The following CTBP2 variants were observed in gnomAD, a reference collection of about 807,000 sequenced individuals.
CTBP2 encodes the protein C-terminal binding protein 2, also known as C-terminal-binding protein 2.
CTBP2 carries 30 observed loss-of-function variants against 80.3 expected under a neutral mutation model. The ratio of observed to expected loss-of-function variants is 0.37; its 90% confidence interval spans 0.28 to 0.51. The LOEUF (loss-of-function observed/expected upper bound fraction) is 0.51. CTBP2 is among the 20% of genes least tolerant of loss of function. The probability of loss-of-function intolerance (pLI) is 0.93; values close to 1 mark genes in which losing one functional copy is unlikely to be tolerated. For missense variants in CTBP2, 1,212 were observed against 1,375.3 expected, an observed-to-expected ratio of 0.88 and a Z score of 1.88; for synonymous variants, 594 against 587.4, an observed-to-expected ratio of 1.01 and a Z score of -0.16.
chr10:125,057,483 C>T (rs958564503), intron 2 of CTBP2, among the ~76,000 whole-genome samples: 1 of 152,310 alleles, frequency 6.6e-6, no homozygotes, highest in South Asian at 2.1e-4. Flanking sequence ...GCTCTTTGTC[C>T]ATTCACTGAT....
intron 1 of CTBP2, among the ~76,000 whole-genome samples, chr10:125,137,089 ATT>A (rs982928297): frequency 3.9e-5 from 6 of 152,142 alleles, no homozygotes; most frequent in Non-Finnish European, 7.4e-5. Flanking sequence ...AAAAATCTAA[ATT>A]TCCCATGTGG....
At position 125,044,708 on chromosome 10, in the gene CTBP2, G is replaced by A. The variant is rs977973489; in HGVS notation, c.-101-5553C>T. ...CTTGAGGCTGTGATGTGCCACGATC[G>A]CACCTGTGAATAAAGCCACTGCACT... On this transcript the variant is annotated intron_variant, in intron 2 of 10. Transcript: ENST00000337195. 4.6e-5 allele frequency among the ~76,000 whole-genome samples: 7 copies of A among 152,276 alleles called. No individual in the cohort carries two copies. In the East Asian group the frequency reaches 1.4e-3, roughly 29 times the overall value.
rs779724426 is a variant in CTBP2, at chr10:125,027,043, A to AG, written c.716dup (p.Ala240CysfsTer37). The AG allele has an allele frequency of 2.5e-6, 4 of 1,613,558 alleles. No individual in the cohort carries two copies. Among genetic ancestry groups the AG allele is most frequent in the Non-Finnish European group, 3.4e-6 (4 of 1,179,772 alleles). On this transcript the variant is annotated frameshift_variant, in exon 1 of 9. Coordinates refer to ENST00000309035, the MANE Select transcript of CTBP2 (RefSeq NM_022802.3). LOFTEE classifies it high-confidence loss of function. Reference sequence around the variant, plus strand: ...CCCCTGTGCTGCCTTCGGGGGCAGCAGCTGAACTGGGGTCCACAACCAGGC... The same window carrying AG: ...CCCCTGTGCTGCCTTCGGGGGCAGCAGGCTGAACTGGGGTCCACAACCAGGC...
intron 1 of CTBP2, among the ~76,000 whole-genome samples, chr10:125,003,976 G>A (rs1158986064): frequency 6.6e-6 from 1 of 152,236 alleles, no homozygotes; most frequent in Non-Finnish European, 1.5e-5. Flanking sequence ...GAAATGGCGG[G>A]TCTGGGGCAG....
chr10:125,092,082 A>G (rs146994019), intron 2 of CTBP2, among the ~76,000 whole-genome samples: 1 of 151,982 alleles, frequency 6.6e-6, no homozygotes, highest in East Asian at 1.9e-4. Flanking sequence ...AAGTAACACC[A>G]TAACTAAAAT....
chr10:125,033,299 G>A (rs575258920), intron 3 of CTBP2, among the ~76,000 whole-genome samples: 4 of 152,330 alleles, frequency 2.6e-5, no homozygotes, highest in South Asian at 2.1e-4. Flanking sequence ...GGCTCCTGCT[G>A]GATGTGGAAG....
rs1305530478 is a variant in CTBP2, at chr10:125,066,669, T to G, written c.-101-27514A>C. ...CAGTGCACCAACCTTCAGTGTAATC[T>G]CCAGTCCTGCCACTGACTCGTGAGC... is the stretch of plus-strand genomic sequence containing the variant. On this transcript the variant is annotated intron_variant, in intron 2 of 10. Transcript: ENST00000337195. This position sits in a 1 kb window ranked among gnomAD's most constrained non-coding sequence, Gnocchi z 4.1. Among the ~76,000 whole-genome samples the G allele has an allele frequency of 3.9e-5, 6 of 152,114 alleles. No individual in the cohort carries two copies. The East Asian group carries it at 1.2e-3, about 29-fold the overall frequency.
chr10:125,075,823 G>A (rs1008410943), intron 2 of CTBP2, among the ~76,000 whole-genome samples: 5 of 152,186 alleles, frequency 3.3e-5, no homozygotes, highest in South Asian at 4.1e-4. Flanking sequence ...ACTCCCATGC[G>A]CAGCTGGCAG....
upstream of CTBP2, among the ~76,000 whole-genome samples, chr10:125,161,391 G>C (rs1861882546): frequency 6.6e-6 from 1 of 152,088 alleles, no homozygotes; most frequent in Non-Finnish European, 1.5e-5. Flanking sequence ...TGGGGTACCG[G>C]GCAGCCGGCC....
intron 2 of CTBP2, among the ~76,000 whole-genome samples, chr10:125,091,009 G>C (rs898595119): frequency 1.3e-5 from 2 of 152,234 alleles, no homozygotes; most frequent in African/African-American, 2.4e-5. Flanking sequence ...ACCAAAGGCA[G>C]AGGCAGGAAT....
chr10:125,032,102 T>C (rs559363628), upstream of CTBP2, among the ~76,000 whole-genome samples: 1 of 151,118 alleles, frequency 6.6e-6, no homozygotes, highest in South Asian at 2.1e-4. Context: ...TTTGAAAGTG[T>C]TGGTGGAGCC....
At chr10:125,161,424 G>T (rs1430097224), upstream of CTBP2, among the ~76,000 whole-genome samples, 8 of 152,030 alleles carry the variant, frequency 5.3e-5, no homozygotes, top group African/African-American at 1.2e-4. Context: ...GCGAGCCCCG[G>T]GTGGCCCCGG....
At position 125,026,391 on chromosome 10, in the gene CTBP2, G is replaced by T; in HGVS notation, c.1369C>A (p.Leu457Met). The change falls in exon 1 of 9, where the codon CTG becomes ATG. Residue 457 changes from leucine to methionine, a missense_variant. Transcript: ENST00000309035. ...TTAGTCAAGGCCACCCCTGCCTGCA[G>T]GGGGTACGTGGGGCTCAGACGCGCT... 1 of 1,610,660 alleles carries T rather than the reference G, an allele frequency of 6.2e-7. No homozygotes were observed. Among genetic ancestry groups the T allele is most frequent in the East Asian group, 2.2e-5 (1 of 44,726 alleles).
At chr10:125,038,892 G>A in intron 3 of CTBP2, 105 bp downstream of exon 3, 1 of 1,110,192 alleles carries the variant, frequency 9.0e-7, no homozygotes, top group Non-Finnish European at 1.3e-6. Context: ...ATCGGAGGAG[G>A]GACTCTGGCT....
rs148954971 is a variant in CTBP2, at chr10:125,150,730, A to C, written c.-206+9589T>G. 8.3e-3 allele frequency among the ~76,000 whole-genome samples: 1,244 copies of C among 149,180 alleles called. 18 individuals are homozygous for C. The highest frequency in any genetic ancestry group is 0.029 in the African/African-American group (1,171 of 40,428). On this transcript the variant is annotated intron_variant, in intron 1 of 10. Coordinates refer to the CTBP2 transcript ENST00000337195. Reference sequence around the variant, plus strand: ...AGGTGTCTGGCCTTTTCCCGGACATAGTGAGTCTGTGATCCAGAGTCTGAC... The same window carrying C: ...AGGTGTCTGGCCTTTTCCCGGACATCGTGAGTCTGTGATCCAGAGTCTGAC...
At chr10:125,084,524 G>A (rs922514442) in intron 2 of CTBP2, among the ~76,000 whole-genome samples, 2 of 152,166 alleles carry the variant, frequency 1.3e-5, no homozygotes, top group Non-Finnish European at 2.9e-5. Flanking sequence ...ATCCTCTCTG[G>A]GAAGGGAGGG....
At chr10:125,055,892 C>T (rs187781589) in intron 2 of CTBP2, among the ~76,000 whole-genome samples, 7 of 152,222 alleles carry the variant, frequency 4.6e-5, no homozygotes, top group East Asian at 1.9e-4. Flanking sequence ...ACTGGCCAGG[C>T]GTGGCAGCTC....
chr10:125,062,773 T>G (rs986754423), intron 2 of CTBP2, among the ~76,000 whole-genome samples: 8 of 152,206 alleles, frequency 5.3e-5, no homozygotes, highest in Non-Finnish European at 1.0e-4. Flanking sequence ...TGAGGCAGGA[T>G]AATCTCTTGA....
chr10:124,998,444 G>T (rs1953963717), intron 3 of CTBP2: 3 of 480,200 alleles, frequency 6.2e-6, no homozygotes, highest in Non-Finnish European at 1.1e-5. Flanking sequence ...GGCTGATTTT[G>T]GGCCTGACTG....
Sources: gnomAD v4.1 joint callset for allele counts (sites outside exome capture counted in the v4.1 genomes callset) on GRCh38, gnomAD v4.1.1 for gene constraint, Gnocchi (gnomAD v3.1) non-coding constraint, MANE v1.5 for transcripts, NCBI Gene and HGNC (gene_info 2026-07-23, HGNC 2026-07-21) for gene names.